Variants in METAP1D observed in about 807,000 individuals in gnomAD.
METAP1D encodes the protein methionine aminopeptidase 1D, mitochondrial.
In METAP1D, 31 loss-of-function variants were observed where a neutral mutation model predicts 40.5. The observed-to-expected ratio is 0.77, with a 90% CI of 0.58 to 1.03. The LOEUF is 1.03. METAP1D is among the 50% of genes least tolerant of loss of function. METAP1D has a pLI of 0.00. For synonymous variants in METAP1D, 151 were observed against 146.4 expected (o/e 1.03, Z -0.22); for missense variants, 411 against 420.7 (o/e 0.98, Z 0.20).
At chr2:172,009,647 C>G (rs1688665381) in intron 1 of METAP1D, among the ~76,000 whole-genome samples, 1 of 152,098 alleles carries the variant, frequency 6.6e-6, no homozygotes, top group Non-Finnish European at 1.5e-5. Context: ...TTAAGAAACT[C>G]TTACTATACC....
intron 1 of METAP1D, among the ~76,000 whole-genome samples, chr2:172,016,300 A>AAAAAATATATAT (rs1553490378): frequency 5.0e-5 from 2 of 40,046 alleles, no homozygotes; most frequent in Admixed American, 4.6e-4. Flanking sequence ...AAAAAAAAAA[A>AAAAAATATATAT]ATATATATAT....
chr2:172,028,041 G>T (rs59609380), intron 1 of METAP1D, among the ~76,000 whole-genome samples: 8,735 of 152,206 alleles, frequency 0.057, 846 homozygotes, highest in East Asian at 0.49. Flanking sequence ...CAGACCTCAC[G>T]GAGTTGCCAT....
chr2:172,080,265 G>C lies in METAP1D; in HGVS notation c.929+59G>C. ...TATGGGAAAGGAAGATTGGTCCGAC[G>C]GCGCGCTTGTGGCCCGGCCGGAGCT... On this transcript the variant is annotated intron_variant, in intron 9 of 9. Transcript: ENST00000315796. 5 of 1,613,832 alleles carry C rather than the reference G, an allele frequency of 3.1e-6. No homozygotes were observed. In the South Asian group the frequency reaches 4.4e-5, roughly 14 times the overall value.
chr2:172,068,750 T>A (rs1010452202), intron 5 of METAP1D, among the ~76,000 whole-genome samples: 41 of 152,004 alleles, frequency 2.7e-4, no homozygotes, highest in Non-Finnish European at 1.0e-4. Flanking sequence ...TGACCTCAAG[T>A]GATCCGCCCA....
At chr2:172,027,803 C>T (rs181403945) in intron 1 of METAP1D, among the ~76,000 whole-genome samples, 13 of 152,348 alleles carry the variant, frequency 8.5e-5, no homozygotes, top group Admixed American at 8.5e-4. Flanking sequence ...TTACTCTCTA[C>T]CTTCTGTTGT....
chr2:172,017,045 G>T (rs117814579), intron 1 of METAP1D, among the ~76,000 whole-genome samples: 1 of 151,954 alleles, frequency 6.6e-6, no homozygotes, highest in African/African-American at 2.4e-5. Flanking sequence ...TCTTTGTAAC[G>T]TATATCACAT....
chr2:172,058,617 CA>C (rs1367791524), intron 1 of METAP1D, among the ~76,000 whole-genome samples: 2 of 152,080 alleles, frequency 1.3e-5, no homozygotes, highest in African/African-American at 4.8e-5. Context: ...TGGGTTTAAG[CA>C]ATCCCACATC....
At chr2:172,078,430 T>C (rs1004035726) in intron 7 of METAP1D, among the ~76,000 whole-genome samples, 3 of 152,108 alleles carry the variant, frequency 2.0e-5, no homozygotes, top group Non-Finnish European at 2.9e-5. Context: ...GTGCACCCTA[T>C]AGTGAGAAGA....
intron 1 of METAP1D, among the ~76,000 whole-genome samples, chr2:172,014,623 G>A (rs1176793805): frequency 6.6e-6 from 1 of 152,028 alleles, no homozygotes; most frequent in South Asian, 2.1e-4. Context: ...TTTTTACAAT[G>A]TGGTAATTTT....
At chr2:172,065,509 A>C (rs935026832) in intron 3 of METAP1D, 95 bp from the exon 4 acceptor site, 34 of 1,187,196 alleles carry the variant, frequency 2.9e-5, no homozygotes, top group Non-Finnish European at 3.6e-5. Flanking sequence ...AAATTTATAC[A>C]GTCTCACATG....
chr2:172,008,843 G>T (rs1169705660), intron 1 of METAP1D, among the ~76,000 whole-genome samples: 1 of 152,048 alleles, frequency 6.6e-6, no homozygotes, highest in Non-Finnish European at 1.5e-5. Context: ...TCTGCTTCAG[G>T]TGATCCTGGA....
chr2:172,012,011 G>T (rs1035011274), intron 1 of METAP1D, among the ~76,000 whole-genome samples: 2 of 152,172 alleles, frequency 1.3e-5, no homozygotes, highest in African/African-American at 2.4e-5. Context: ...GTTAACTCTT[G>T]CCATCCCTTT....
At chr2:172,014,258 C>T (rs1688796493) in intron 1 of METAP1D, among the ~76,000 whole-genome samples, 1 of 151,778 alleles carries the variant, frequency 6.6e-6, no homozygotes, top group African/African-American at 2.4e-5. Flanking sequence ...ATTACAGGCA[C>T]CTGCCACCAT....
At chr2:172,064,431 C>T (rs550105379) in intron 3 of METAP1D, 1 of 152,096 alleles carries the variant, frequency 6.6e-6, no homozygotes, top group African/African-American at 2.4e-5. Flanking sequence ...ACCAGCCTGG[C>T]CAACATGGTG....
intron 1 of METAP1D, among the ~76,000 whole-genome samples, chr2:172,041,494 C>G (rs1689522712): frequency 1.6e-5 from 2 of 124,192 alleles, no homozygotes; most frequent in South Asian, 5.3e-4. Context: ...AAATGCTCAT[C>G]ATTGGTTAAA....
intron 1 of METAP1D, among the ~76,000 whole-genome samples, chr2:172,004,415 C>T (rs925084552): frequency 2.6e-5 from 4 of 151,932 alleles, no homozygotes; most frequent in Non-Finnish European, 5.9e-5. Context: ...CCTCTGCCAC[C>T]CAAATTCAAG....
intron 1 of METAP1D, among the ~76,000 whole-genome samples, chr2:172,011,942 T>C (rs1688733448): frequency 2.6e-5 from 4 of 152,202 alleles, no homozygotes; most frequent in Non-Finnish European, 5.9e-5. Flanking sequence ...AAGGATGTGG[T>C]AAAATTACCA....
Position 172,065,717 on chromosome 2 carries a change from T to C in METAP1D, c.462T>C (p.Ser154=), listed in dbSNP as rs1396809413. The C allele has an allele frequency of 9.3e-6, 15 of 1,613,896 alleles. No homozygotes were observed. Among genetic ancestry groups the C allele is most frequent in the African/African-American group, 1.3e-5 (1 of 74,928 alleles). ...YGGFPKSVCT[S]VNNVLCHGIP... is the part of the protein sequence containing the mutation. ...GTTTTCCAAAATCTGTTTGTACCTC[T>C]GTAAACAACGTGCTCTGTCATGGTA... Residue 154 remains serine (S), a synonymous_variant, in exon 4 of 10, where the codon TCT becomes TCC. Coordinates refer to ENST00000315796, the MANE Select transcript of METAP1D (RefSeq NM_199227.3).
chr2:172,042,632 C>CACAT lies in METAP1D; in HGVS notation c.41-18865_41-18864insCATA, dbSNP rs1689602681. 6.1e-5 allele frequency among the ~76,000 whole-genome samples: 2 copies of CACAT among 32,916 alleles called. 1 individual carries two copies. The highest frequency in any genetic ancestry group is 1.6e-4 in the Non-Finnish European group (2 of 12,688). 21.6% of individuals were successfully genotyped at this position (32,916 alleles called of 152,430 possible). ...ATACATATATGTGTGTATGTGTACA[C>CACAT]ATATACATATGTGTGTATGTGTATA... On this transcript the variant is annotated intron_variant, in intron 1 of 9. Transcript: ENST00000315796.
Sources: gnomAD v4.1 joint callset for allele counts (sites outside exome capture counted in the v4.1 genomes callset) on GRCh38, gnomAD v4.1.1 for gene constraint, MANE v1.5 for transcripts, NCBI Gene and HGNC (gene_info 2026-07-23, HGNC 2026-07-21) for gene names.